Variants in DLGAP2 observed in about 807,000 individuals in gnomAD.
DLGAP2 encodes the protein DLG associated protein 2, also known as disks large-associated protein 2.
In DLGAP2, 26 loss-of-function variants were observed where a neutral mutation model predicts 100.3. That is an observed-to-expected ratio of 0.26 (90% confidence interval 0.19 to 0.36). The LOEUF (loss-of-function observed/expected upper bound fraction) is 0.36, where lower values mean the gene tolerates loss of function less well. Ranked by LOEUF, DLGAP2 falls within the 10% of genes least tolerant of loss-of-function variation. DLGAP2 has a pLI of 1.00. For missense variants in DLGAP2, 1,858 were observed against 1,453.2 expected, an observed-to-expected ratio of 1.28 and a Z score of -4.53; for synonymous variants, 886 against 630.1, an observed-to-expected ratio of 1.41 and a Z score of -6.08.
chr8:1,591,521 C>T (rs1261521580), intron 6 of DLGAP2, among the ~76,000 whole-genome samples: 1 of 139,064 alleles, frequency 7.2e-6, no homozygotes, highest in African/African-American at 2.7e-5. Flanking sequence ...CTCCCCTTTC[C>T]TGCCTAACCC....
At chr8:1,437,252 G>A (rs55952544) in intron 3 of DLGAP2, among the ~76,000 whole-genome samples, 12 of 152,226 alleles carry the variant, frequency 7.9e-5, no homozygotes, top group African/African-American at 2.9e-4. Context: ...AGGCGCGTAA[G>A]GGTGACGCCA....
intron 4 of DLGAP2, among the ~76,000 whole-genome samples, chr8:1,526,537 A>T (rs1800799076): frequency 6.6e-6 from 1 of 152,200 alleles, no homozygotes; most frequent in South Asian, 2.1e-4. Flanking sequence ...CAATCATTTG[A>T]ACAAGCAAAG....
At chr8:1,682,541 C>G (rs1798978835) in intron 12 of DLGAP2, among the ~76,000 whole-genome samples, 1 of 151,508 alleles carries the variant, frequency 6.6e-6, no homozygotes, top group Non-Finnish European at 1.5e-5. Flanking sequence ...ATGGCACGAT[C>G]TCAGCTCACT....
At chr8:1,537,158 C>G (rs565194785) in intron 4 of DLGAP2, among the ~76,000 whole-genome samples, 1 of 152,206 alleles carries the variant, frequency 6.6e-6, no homozygotes, top group South Asian at 2.1e-4. Flanking sequence ...TGTCAAGCCT[C>G]TGGGTTCTCC....
intron 3 of DLGAP2, among the ~76,000 whole-genome samples, chr8:1,318,608 T>C (rs1271826567): frequency 6.6e-6 from 1 of 151,766 alleles, no homozygotes; most frequent in African/African-American, 2.4e-5. Context: ...CCCCCGCCGA[T>C]GTCGAAAGGC....
chr8:1,436,258 G>A (rs905605375), intron 3 of DLGAP2, among the ~76,000 whole-genome samples: 10 of 152,208 alleles, frequency 6.6e-5, no homozygotes, highest in African/African-American at 2.4e-4. Flanking sequence ...AGGCCTGAGA[G>A]CCCCGGGCAA....
intron 3 of DLGAP2, among the ~76,000 whole-genome samples, chr8:1,417,898 C>A (rs150417545): frequency 6.6e-6 from 1 of 152,168 alleles, no homozygotes; most frequent in African/African-American, 2.4e-5. Context: ...GTTCCAGGAG[C>A]CTTTTGCTCT....
intron 3 of DLGAP2, among the ~76,000 whole-genome samples, chr8:1,363,287 G>A (rs1802027685): frequency 6.6e-6 from 1 of 152,070 alleles, no homozygotes; most frequent in East Asian, 1.9e-4. Context: ...GCTTGCGGCT[G>A]TCTCTCCTGC....
At chr8:1,491,006 C>G (rs2130281655) in intron 3 of DLGAP2, among the ~76,000 whole-genome samples, 1 of 126,746 alleles carries the variant, frequency 7.9e-6, no homozygotes, top group Non-Finnish European at 1.7e-5. Context: ...CACATGTACC[C>G]TAAAACTTAA....
intron 2 of DLGAP2, among the ~76,000 whole-genome samples, chr8:1,143,410 A>G (rs1796554926): frequency 6.6e-6 from 1 of 152,162 alleles, no homozygotes; most frequent in Admixed American, 6.5e-5. Flanking sequence ...ATCTCTATCA[A>G]ACTTTCAGTT....
intron 3 of DLGAP2, chr8:1,302,218 C>T (rs576923642): frequency 4.0e-5 from 6 of 149,302 alleles, no homozygotes; most frequent in Non-Finnish European, 8.9e-5. Flanking sequence ...TGTGAGTTCC[C>T]GAGCTCTGCT....
At chr8:1,331,517 A>T (rs1485222806) in intron 3 of DLGAP2, among the ~76,000 whole-genome samples, 2 of 152,124 alleles carry the variant, frequency 1.3e-5, no homozygotes, top group East Asian at 1.9e-4. Flanking sequence ...AGGGACACGG[A>T]TCTGGGCAGT....
intron 3 of DLGAP2, among the ~76,000 whole-genome samples, chr8:1,351,576 G>A (rs1319587066): frequency 1.3e-5 from 1 of 77,382 alleles, no homozygotes; most frequent in African/African-American, 3.9e-5. Context: ...GGTCCTGACT[G>A]TGTGTGGAAA....
intron 3 of DLGAP2, among the ~76,000 whole-genome samples, chr8:1,477,874 C>T (rs923492097): frequency 6.6e-6 from 1 of 151,672 alleles, no homozygotes; most frequent in Non-Finnish European, 1.5e-5. Flanking sequence ...ATGCCGGTGT[C>T]GGGATGGCAG....
rs188597000 is a variant in DLGAP2 at position 1,469,598 on chromosome 8, T to C, written c.107-31768T>C. ...GAAGAACCTCCCACGTATTCGTATTTTCACTGGCAGCTCTTGGGCAACGTG... is the reference window on the plus strand; with the variant it reads ...GAAGAACCTCCCACGTATTCGTATTCTCACTGGCAGCTCTTGGGCAACGTG... On this transcript the variant is annotated intron_variant, in intron 3 of 14. Transcript: ENST00000637795. Among the ~76,000 whole-genome samples, 91 of 152,308 alleles carry C rather than the reference T, an allele frequency of 6.0e-4. 2 individuals carry two copies. Among genetic ancestry groups the C allele is most frequent in the African/African-American group, 2.1e-3 (86 of 41,586 alleles).
intron 3 of DLGAP2, among the ~76,000 whole-genome samples, chr8:1,425,460 A>G (rs1558027): frequency 0.49 from 74,155 of 152,026 alleles, 19,025 homozygotes; most frequent in South Asian, 0.73. Flanking sequence ...CTGTTTAAGA[A>G]AGAAAGAAGT....
In DLGAP2 at chr8:1,517,655, A is replaced by G. The variant is rs1203141692; in HGVS notation, c.172+16224A>G. On this transcript the variant is annotated intron_variant, in intron 4 of 14. Transcript: ENST00000637795. Reference sequence around the variant, plus strand: ...CCTGCTAAAATGCACCACACAGCAGAAGGGCCTCCCGTTTCTGGCTAGGAG... The same window carrying G: ...CCTGCTAAAATGCACCACACAGCAGGAGGGCCTCCCGTTTCTGGCTAGGAG... 1.3e-5 allele frequency among the ~76,000 whole-genome samples: 2 copies of G among 152,190 alleles called. 1 individual carries two copies. The highest frequency in any genetic ancestry group is 4.8e-5 in the African/African-American group (2 of 41,458).
intron 3 of DLGAP2, among the ~76,000 whole-genome samples, chr8:1,492,970 G>A (rs1003195822): frequency 6.6e-6 from 1 of 152,192 alleles, no homozygotes. Flanking sequence ...TAGGGAACAG[G>A]TAGCATTCCT....
At chr8:1,411,792 G>C (rs1028071565) in intron 3 of DLGAP2, among the ~76,000 whole-genome samples, 1 of 152,168 alleles carries the variant, frequency 6.6e-6, no homozygotes, top group African/African-American at 2.4e-5. Flanking sequence ...GGAAAGCTGC[G>C]CATGAAGTCT....
Sources: allele counts gnomAD v4.1 joint callset (sites outside exome capture counted in the v4.1 genomes callset), GRCh38; gene constraint gnomAD v4.1.1; transcripts MANE v1.5; gene names NCBI Gene and HGNC (gene_info 2026-07-23, HGNC 2026-07-21).